The following HDAC9 variants were observed in gnomAD, a reference collection of about 807,000 sequenced individuals.
The protein encoded by HDAC9 is MEF-2 interacting transcription repressor (MITR) protein.
HDAC9 carries 41 observed loss-of-function variants against 139.4 expected under a neutral mutation model. That is an observed-to-expected ratio of 0.29 (90% CI 0.23 to 0.38). HDAC9 has a LOEUF of 0.38. Among genes scored for constraint, HDAC9 ranks in the 10% least tolerant of loss-of-function variants. The pLI is 1.00. For synonymous variants in HDAC9, 517 were observed against 476.2 expected, an observed-to-expected ratio of 1.09 and a Z score of -1.12; for missense variants, 1,147 against 1,297.0, an observed-to-expected ratio of 0.88 and a Z score of 1.78.
intron 2 of HDAC9, among the ~76,000 whole-genome samples, chr7:18,185,174 CA>C (rs1192084706): frequency 6.6e-6 from 1 of 151,938 alleles, no homozygotes; most frequent in East Asian, 1.9e-4. Context: ...GTGATCGAGG[CA>C]AAAAAAGTCC....
At chr7:18,786,759 C>CT (rs1362424483) in intron 16 of HDAC9, among the ~76,000 whole-genome samples, 1 of 129,986 alleles carries the variant, frequency 7.7e-6, no homozygotes, top group Admixed American at 7.5e-5. Context: ...CCTTCCTTTT[C>CT]TTTTTTCTCT....
chr7:18,396,337 A>G (rs1787056479), intron 1 of HDAC9, among the ~76,000 whole-genome samples: 1 of 152,164 alleles, frequency 6.6e-6, no homozygotes. Context: ...AGATGATTAC[A>G]GAAATGAAAA....
intron 2 of HDAC9, among the ~76,000 whole-genome samples, chr7:18,204,396 T>A (rs1006306891): frequency 6.6e-6 from 1 of 151,106 alleles, no homozygotes; most frequent in Admixed American, 6.6e-5. Flanking sequence ...TGTTATTAGG[T>A]TAAAGGCTTT....
chr7:18,358,991 A>G (rs1289264962), intron 1 of HDAC9, among the ~76,000 whole-genome samples: 1 of 152,218 alleles, frequency 6.6e-6, no homozygotes, highest in Non-Finnish European at 1.5e-5. Flanking sequence ...TCGTAGGACT[A>G]ATATTTCAAC....
intron 1 of HDAC9, among the ~76,000 whole-genome samples, chr7:18,309,358 G>T (rs1343806456): frequency 6.6e-6 from 1 of 152,130 alleles, no homozygotes; most frequent in Non-Finnish European, 1.5e-5. Context: ...TGTCTCTGAT[G>T]AAATGTTTTG....
intron 2 of HDAC9, among the ~76,000 whole-genome samples, chr7:18,178,108 G>C (rs1321856241): frequency 7.9e-6 from 1 of 126,962 alleles, no homozygotes; most frequent in Non-Finnish European, 1.6e-5. Flanking sequence ...CTCTTTGACA[G>C]AGTCTTGCTC....
intron 6 of HDAC9, among the ~76,000 whole-genome samples, chr7:18,599,995 C>T (rs1278074908): frequency 6.6e-6 from 1 of 151,030 alleles, no homozygotes; most frequent in South Asian, 2.1e-4. Flanking sequence ...TTAATTTTAG[C>T]CATTCTAATA....
chr7:18,708,725 T>A (rs1784122350), intron 12 of HDAC9, among the ~76,000 whole-genome samples: 1 of 152,122 alleles, frequency 6.6e-6, no homozygotes, highest in South Asian at 2.1e-4. Flanking sequence ...AGATTCTAGT[T>A]ATGAAAGAGT....
chr7:18,122,124 A>G (rs1270177431), intron 1 of HDAC9, among the ~76,000 whole-genome samples: 3 of 152,218 alleles, frequency 2.0e-5, no homozygotes, highest in Non-Finnish European at 4.4e-5. Flanking sequence ...ATAGCATTCA[A>G]TCATAATATT....
intron 1 of HDAC9, among the ~76,000 whole-genome samples, chr7:18,388,804 T>G (rs1786188903): frequency 6.6e-6 from 1 of 152,196 alleles, no homozygotes; most frequent in African/African-American, 2.4e-5. Flanking sequence ...ATTGGGAATT[T>G]TAATGGAATT....
At chr7:18,283,114 A>G (rs145517607) in intron 2 of HDAC9, among the ~76,000 whole-genome samples, 89 of 152,200 alleles carry the variant, frequency 5.8e-4, no homozygotes, top group Non-Finnish European at 1.1e-3. Flanking sequence ...AGACTGGGCA[A>G]TTTAGGAAGA....
chr7:18,865,698 G>A (rs996230064), intron 21 of HDAC9, among the ~76,000 whole-genome samples: 34 of 152,234 alleles, frequency 2.2e-4, no homozygotes, highest in African/African-American at 7.9e-4. Flanking sequence ...TTGATGTGCT[G>A]CCTTCACCAC....
intron 1 of HDAC9, among the ~76,000 whole-genome samples, chr7:18,109,944 C>A (rs1473521808): frequency 6.6e-6 from 1 of 152,184 alleles, no homozygotes; most frequent in Non-Finnish European, 1.5e-5. Context: ...TCATTTTCTG[C>A]ACAGAATTGT....
chr7:18,243,194 A>G (rs1223337765), intron 2 of HDAC9, among the ~76,000 whole-genome samples: 1 of 152,220 alleles, frequency 6.6e-6, no homozygotes, highest in East Asian at 1.9e-4. Flanking sequence ...GCAAACACTA[A>G]TTGGGAAAAT....
intron 2 of HDAC9, among the ~76,000 whole-genome samples, chr7:18,258,588 G>A (rs941077995): frequency 1.3e-5 from 2 of 152,178 alleles, no homozygotes; most frequent in Admixed American, 1.3e-4. Flanking sequence ...TGCTGTGATG[G>A]TTATTTCTAT....
At chr7:18,430,928 C>G (rs116040387) in intron 1 of HDAC9, among the ~76,000 whole-genome samples, 1 of 152,010 alleles carries the variant, frequency 6.6e-6, no homozygotes, top group East Asian at 1.9e-4. Flanking sequence ...AAACCTTACC[C>G]TATGTAACAC....
In HDAC9 at chr7:18,303,375, T is replaced by TTGTGTGTGTGTGTG. The variant is rs71014320; in HGVS notation, c.-42+12896_-42+12909dup. On this transcript the variant is annotated intron_variant, in intron 1 of 3. Transcript: ENST00000413509. Reference sequence around the variant, plus strand: ...GCACCCACCGCCACGCCCAGCCAATTTGTGTGTGTGTGTGTGTGTGTGTGT... The same window carrying TTGTGTGTGTGTGTG: ...GCACCCACCGCCACGCCCAGCCAATTTGTGTGTGTGTGTGTGTGTGTGTGTGTGTGTGTGTGTGT... Among the ~76,000 whole-genome samples, 716 of 127,766 alleles carry TTGTGTGTGTGTGTG rather than the reference T, an allele frequency of 5.6e-3. 11 individuals carry two copies. Among genetic ancestry groups the TTGTGTGTGTGTGTG allele is most frequent in the Admixed American group, 9.8e-3 (119 of 12,158 alleles). 83.8% of individuals were successfully genotyped at this position (127,766 alleles called of 152,430 possible). A position where few individuals can be genotyped will look rare whatever the true frequency, so the allele number is the denominator to read the frequency against.
chr7:18,824,087 G>GAAGAAGAAGAAGAAGAAGAACAAC (rs1331001570), intron 17 of HDAC9, among the ~76,000 whole-genome samples: 1 of 147,434 alleles, frequency 6.8e-6, no homozygotes, highest in East Asian at 2.0e-4. Context: ...AGAAGAAGAA[G>GAAGAAGAAGAAGAAGAAGAACAAC]AACAAGAACA....
chr7:18,578,899 A>G (rs1289778494), intron 2 of HDAC9, among the ~76,000 whole-genome samples: 4 of 152,260 alleles, frequency 2.6e-5, no homozygotes, highest in Non-Finnish European at 5.9e-5. Flanking sequence ...ATGTGCATGC[A>G]AAGAATTTGA....
Sources: gnomAD v4.1 joint callset for allele counts (sites outside exome capture counted in the v4.1 genomes callset) on GRCh38, gnomAD v4.1.1 for gene constraint, MANE v1.5 for transcripts, NCBI Gene and HGNC (gene_info 2026-07-23, HGNC 2026-07-21) for gene names.